The following TANC2 variants were observed in gnomAD, a reference collection of about 807,000 sequenced individuals.
The protein encoded by TANC2 is protein TANC2.
In TANC2, 26 loss-of-function variants were observed where a neutral mutation model predicts 210.5. The observed-to-expected ratio is 0.12, with a 90% CI of 0.09 to 0.17. TANC2 has a LOEUF of 0.17. Ranked by LOEUF, TANC2 falls within the 10% of genes least tolerant of loss-of-function variation. TANC2 has a pLI of 1.00. For missense variants in TANC2, 2,129 were observed against 2,608.9 expected (o/e 0.82, Z 4.01); for synonymous variants, 931 against 967.1 (o/e 0.96, Z 0.69).
intron 2 of TANC2, among the ~76,000 whole-genome samples, chr17:63,055,488 G>T (rs1160969622): frequency 1.3e-5 from 2 of 151,764 alleles, no homozygotes; most frequent in Non-Finnish European, 2.9e-5. Flanking sequence ...TTTTATTTCT[G>T]CACTTCTTAC....
At chr17:62,991,236 T>C (rs761324802) in intron 1 of TANC2, among the ~76,000 whole-genome samples, 2 of 152,184 alleles carry the variant, frequency 1.3e-5, no homozygotes, top group African/African-American at 2.4e-5. Context: ...AATGAAATGA[T>C]GAATTTTATG....
At chr17:63,225,477 A>G (rs1333317848) in intron 7 of TANC2, among the ~76,000 whole-genome samples, 2 of 152,138 alleles carry the variant, frequency 1.3e-5, no homozygotes, top group African/African-American at 4.8e-5. Context: ...TATTCTCCTG[A>G]GCTTCAGTTT....
At chr17:63,020,408 A>T (rs1451048816) in intron 2 of TANC2, among the ~76,000 whole-genome samples, 1 of 152,058 alleles carries the variant, frequency 6.6e-6, no homozygotes, top group Non-Finnish European at 1.5e-5. Flanking sequence ...GGCTCAAGAA[A>T]TCCTCCTGCC....
At chr17:63,255,766 T>G (rs1034970777) in intron 8 of TANC2, among the ~76,000 whole-genome samples, 2 of 152,098 alleles carry the variant, frequency 1.3e-5, no homozygotes, top group Admixed American at 1.3e-4. Flanking sequence ...TTCATTTCAT[T>G]GATCTTTTGT....
At chr17:63,169,982 G>C in intron 5 of TANC2, among the ~76,000 whole-genome samples, 1 of 149,950 alleles carries the variant, frequency 6.7e-6, no homozygotes, top group East Asian at 2.0e-4. Flanking sequence ...AGCCAGGCGC[G>C]GTGGCAGGTG....
At chr17:63,367,052 A>G (rs1199795671) in intron 14 of TANC2, among the ~76,000 whole-genome samples, 1 of 152,242 alleles carries the variant, frequency 6.6e-6, no homozygotes, top group Non-Finnish European at 1.5e-5. Flanking sequence ...CACTCATTTC[A>G]CAGTCTTAAC....
intron 9 of TANC2, among the ~76,000 whole-genome samples, chr17:63,281,829 A>T (rs1375667288): frequency 6.6e-6 from 1 of 152,134 alleles, no homozygotes; most frequent in Non-Finnish European, 1.5e-5. Flanking sequence ...GAAGGGGGCC[A>T]TGTGAATTTG....
At chr17:63,145,245 C>T (rs1234055568) in intron 4 of TANC2, among the ~76,000 whole-genome samples, 1 of 152,000 alleles carries the variant, frequency 6.6e-6, no homozygotes, top group Non-Finnish European at 1.5e-5. Flanking sequence ...GATTTTAAAC[C>T]TAACAGAGAT....
intron 2 of TANC2, among the ~76,000 whole-genome samples, chr17:63,014,371 A>G (rs966885645): frequency 6.6e-6 from 1 of 152,184 alleles, no homozygotes; most frequent in African/African-American, 2.4e-5. Flanking sequence ...CCTCAGAGAC[A>G]ATGTCCACTG....
chr17:63,406,992 A>G (rs1174158533), intron 21 of TANC2, among the ~76,000 whole-genome samples: 1 of 152,212 alleles, frequency 6.6e-6, no homozygotes, highest in Admixed American at 6.5e-5. Flanking sequence ...AGCCTCCACT[A>G]TTAGTAAACT....
intron 4 of TANC2, among the ~76,000 whole-genome samples, chr17:63,108,570 G>A (rs1405595160): frequency 2.0e-5 from 3 of 151,690 alleles, no homozygotes; most frequent in East Asian, 3.8e-4. Context: ...CCAGCACTTC[G>A]GGAGGCCGAG....
rs562958157 is a variant in TANC2, at chr17:63,103,792, G to A, written c.322+4435G>A. Among the ~76,000 whole-genome samples, 84 of 152,236 alleles carry A rather than the reference G, an allele frequency of 5.5e-4. No individual in the cohort carries two copies. In the South Asian group the frequency reaches 0.015, roughly 28 times the overall value. ...AAGTCGCACTTTTTAATGAGTAATA[G>A]CAATAATAATGACAATAATTTTCAT... On this transcript the variant is annotated intron_variant, in intron 4 of 27. Coordinates refer to ENST00000689528, the Ensembl canonical transcript of TANC2.
chr17:63,372,198 C>T (rs554627224), intron 14 of TANC2, among the ~76,000 whole-genome samples: 1 of 152,152 alleles, frequency 6.6e-6, no homozygotes, highest in Non-Finnish European at 1.5e-5. Context: ...TTCCTGTTAG[C>T]GTAATTTTTA....
chr17:63,099,893 C>A (rs2037559295), intron 4 of TANC2, among the ~76,000 whole-genome samples: 1 of 152,090 alleles, frequency 6.6e-6, no homozygotes, highest in South Asian at 2.1e-4. Context: ...AATATGATCT[C>A]ACAATATGTA....
At chr17:63,282,332 G>A (rs2044083325) in intron 9 of TANC2, among the ~76,000 whole-genome samples, 1 of 151,916 alleles carries the variant, frequency 6.6e-6, no homozygotes, top group African/African-American at 2.4e-5. Flanking sequence ...AGGATAATAA[G>A]AAAATATAAA....
intron 5 of TANC2, among the ~76,000 whole-genome samples, chr17:63,186,421 C>T (rs139772073): frequency 0.028 from 4,188 of 149,568 alleles, 200 homozygotes; most frequent in African/African-American, 0.097. Flanking sequence ...GGCGCAACCT[C>T]GGCTCACTGC....
rs991058264 is a variant in TANC2 at position 62,981,024 on chromosome 17, T to C, written c.-24+14275T>C. ...CAACTCCATCTGTTTTATACCTGTATACTTGTAGGTGAATATGGCTCGAGC... is the reference window on the plus strand; with the variant it reads ...CAACTCCATCTGTTTTATACCTGTACACTTGTAGGTGAATATGGCTCGAGC... On this transcript the variant is annotated intron_variant, in intron 1 of 27. Coordinates refer to ENST00000689528, the Ensembl canonical transcript of TANC2. 4.6e-5 allele frequency among the ~76,000 whole-genome samples: 7 copies of C among 152,214 alleles called. No individual in the cohort carries two copies. The East Asian group carries it at 1.3e-3, about 29-fold the overall frequency.
rs373327017 is a variant in TANC2, at chr17:62,966,810, C to T, written c.-24+61C>T. 2.6e-4 allele frequency: 39 copies of T among 152,256 alleles called. No homozygotes were observed. In the South Asian group the frequency reaches 5.6e-3, roughly 22 times the overall value. The allele number at this position is 152,256 out of a possible 1,614,324, so 9.4% of individuals were successfully genotyped here. A position where few individuals can be genotyped will look rare whatever the true frequency, so the allele number is the denominator to read the frequency against. ...CTTCAGTGACAGGGTCGTTCGCCTC[C>T]ACAGCCTCGGCTCCGGGGAGAGGGG... On this transcript the variant is annotated intron_variant, in intron 1 of 27. Coordinates refer to ENST00000689528, the Ensembl canonical transcript of TANC2. This position sits in a 1 kb window ranked among gnomAD's most constrained non-coding sequence, Gnocchi z 5.1.
At chr17:63,209,855 A>T (rs529530869) in intron 7 of TANC2, among the ~76,000 whole-genome samples, 4 of 152,326 alleles carry the variant, frequency 2.6e-5, no homozygotes, top group Admixed American at 2.6e-4. Context: ...CCATAAACGA[A>T]TATTAATTTT....
Sources: allele counts gnomAD v4.1 joint callset (sites outside exome capture counted in the v4.1 genomes callset), GRCh38; gene constraint gnomAD v4.1.1; non-coding constraint Gnocchi (gnomAD v3.1); transcripts MANE v1.5; gene names NCBI Gene and HGNC (gene_info 2026-07-23, HGNC 2026-07-21).